IL12RB2: variants seen among roughly 807,000 people sequenced by gnomAD.
IL12RB2 encodes the protein interleukin-12 receptor subunit beta-2.
In IL12RB2, 82 loss-of-function variants were observed where a neutral mutation model predicts 89.4. The ratio of observed to expected loss-of-function variants is 0.92; its 90% CI spans 0.77 to 1.10. The LOEUF (loss-of-function observed/expected upper bound fraction) is 1.10, where lower values mean the gene tolerates loss of function less well. IL12RB2 is among the 50% of genes least tolerant of loss of function. The pLI is 0.00. For synonymous variants in IL12RB2, 368 were observed against 370.1 expected (o/e 0.99, Z 0.07); for missense variants, 963 against 1,031.9 (o/e 0.93, Z 0.92).
rs767236153 is a variant in IL12RB2, at chr1:67,367,955, A to C, written c.1389A>C (p.Pro463=). 1.2e-6 allele frequency: 2 copies of C among 1,609,280 alleles called. No homozygotes were observed. The highest frequency in any genetic ancestry group is 3.3e-5 in the Admixed American group (2 of 60,012). The change falls in exon 11 of 17, where the codon CCA becomes CCC. Residue 463 remains proline, a synonymous_variant. Coordinates refer to ENST00000674203, the MANE Select transcript of IL12RB2 (RefSeq NM_001374259.2). ...EYVVEWRELH[P]GGDTQVPLNW... ...TGGTGGAATGGAGAGAGCTCCATCC[A>C]GGGGGTGACACACAGGTCCCTCTAA... is the stretch of plus-strand genomic sequence containing the variant.
chr1:67,324,191 G>A (rs1235880382), intron 4 of IL12RB2, among the ~76,000 whole-genome samples: 2 of 152,070 alleles, frequency 1.3e-5, no homozygotes, highest in South Asian at 4.2e-4. Flanking sequence ...ATATGTACAT[G>A]GGTACGTATA....
At chr1:67,372,599 G>A (rs1663490498) in intron 12 of IL12RB2, 26 bp from the exon 13 acceptor site, 1 of 1,611,968 alleles carries the variant, frequency 6.2e-7, no homozygotes, top group African/African-American at 1.3e-5. Context: ...GAGGGTGACA[G>A]AAGCCTCCTG....
intron 4 of IL12RB2, among the ~76,000 whole-genome samples, chr1:67,322,906 G>C (rs1437087520): frequency 6.6e-6 from 1 of 152,206 alleles, no homozygotes; most frequent in Non-Finnish European, 1.5e-5. Context: ...GGTCCAACCA[G>C]GCAATCCTAT....
At chr1:67,318,223 T>C (rs147276258) in intron 2 of IL12RB2, among the ~76,000 whole-genome samples, 18 of 152,250 alleles carry the variant, frequency 1.2e-4, no homozygotes, top group African/African-American at 4.3e-4. Context: ...ATGTAAGCGA[T>C]GATGGCAAGA....
chr1:67,309,006 C>T (rs17129740), intron 1 of IL12RB2, among the ~76,000 whole-genome samples: 5,426 of 150,930 alleles, frequency 0.036, 137 homozygotes, highest in Admixed American at 0.066. Context: ...GGCAACAGAG[C>T]GAGACTCTGT....
At position 67,386,571 on chromosome 1, in the gene IL12RB2, C is replaced by T. The variant is rs754768983; in HGVS notation, c.1856-8C>T. ...CTCACTCAGTCACAGGATTTCCTAA[C>T]TTTTCAGGTAAAGCCAATTGGATGG... On this transcript the variant is annotated splice_polypyrimidine_tract_variant and splice_region_variant and intron_variant, in intron 14 of 16. Transcript: ENST00000674203. The T allele has an allele frequency of 3.7e-6, 6 of 1,603,542 alleles. No homozygotes were observed. Among genetic ancestry groups the T allele is most frequent in the African/African-American group, 1.3e-5 (1 of 74,686 alleles).
At chr1:67,354,061 T>C (rs530998688) in intron 10 of IL12RB2, among the ~76,000 whole-genome samples, 1 of 152,192 alleles carries the variant, frequency 6.6e-6, no homozygotes, top group African/African-American at 2.4e-5. Context: ...CCTCAACTTA[T>C]ATTTAGCCAA....
intron 14 of IL12RB2, among the ~76,000 whole-genome samples, chr1:67,380,890 C>A (rs2101072254): frequency 6.6e-6 from 1 of 152,192 alleles, no homozygotes; most frequent in East Asian, 1.9e-4. Context: ...GATTAGGGGC[C>A]CACTCTACTC....
At chr1:67,330,265 G>C (rs1329383461) in intron 7 of IL12RB2, among the ~76,000 whole-genome samples, 1 of 129,910 alleles carries the variant, frequency 7.7e-6, no homozygotes. Flanking sequence ...CTAATTAAAG[G>C]GTTTTTTTAA....
At chr1:67,340,615 A>C (rs1367509035) in intron 9 of IL12RB2, among the ~76,000 whole-genome samples, 1 of 152,230 alleles carries the variant, frequency 6.6e-6, no homozygotes, top group African/African-American at 2.4e-5. Context: ...CACCAGTGTA[A>C]AATTCAGCAG....
At chr1:67,319,889 G>T (rs1228703981) in intron 2 of IL12RB2, among the ~76,000 whole-genome samples, 2 of 152,136 alleles carry the variant, frequency 1.3e-5, no homozygotes. Context: ...ATCCCAGAGA[G>T]CTCCGTTGTC....
intron 2 of IL12RB2, among the ~76,000 whole-genome samples, chr1:67,319,898 T>G (rs1356730961): frequency 1.3e-5 from 2 of 152,132 alleles, no homozygotes; most frequent in East Asian, 3.9e-4. Context: ...AGCTCCGTTG[T>G]CCCTTCCACC....
At chr1:67,393,598 C>A (rs1221191926) in intron 16 of IL12RB2, among the ~76,000 whole-genome samples, 1 of 152,186 alleles carries the variant, frequency 6.6e-6, no homozygotes, top group African/African-American at 2.4e-5. Flanking sequence ...GAGCAGTCTC[C>A]CCGAAGTGAA....
Position 67,396,413 on chromosome 1 carries a change from T to G in IL12RB2, c.*324T>G. 2.2e-6 allele frequency: 1 copy of G among 452,354 alleles called. No individual in the cohort carries two copies. The allele number at this position is 452,354 out of a possible 1,614,324, so 28.0% of individuals were successfully genotyped here. On this transcript the variant is annotated 3_prime_UTR_variant, in exon 17 of 17. Transcript: ENST00000674203. ...GGAGGAGAGTAGAAACCACAGCTCTTAGTAGTAATGGCATACAGTCTAGAG... is the reference window on the plus strand; with the variant it reads ...GGAGGAGAGTAGAAACCACAGCTCTGAGTAGTAATGGCATACAGTCTAGAG...
At chr1:67,370,318 G>A (rs1458190922) in intron 11 of IL12RB2, among the ~76,000 whole-genome samples, 1 of 152,080 alleles carries the variant, frequency 6.6e-6, no homozygotes, top group Non-Finnish European at 1.5e-5. Flanking sequence ...ATAGGTTGGT[G>A]GAGGCTAGGC....
At position 67,343,887 on chromosome 1, in the gene IL12RB2, TTC is replaced by T. The variant is rs528853138; in HGVS notation, c.1038+5185_1038+5186del. Reference sequence around the variant, plus strand: ...AAGAGAAATATTCATGTTAAGCTCATTCATTTGCTCAAACAAACATATGAAAG... The same window carrying T: ...AAGAGAAATATTCATGTTAAGCTCATATTTGCTCAAACAAACATATGAAAG... On this transcript the variant is annotated intron_variant, in intron 9 of 16. Transcript: ENST00000674203. 5.2e-4 allele frequency among the ~76,000 whole-genome samples: 79 copies of T among 152,362 alleles called. No individual in the cohort carries two copies. The East Asian group carries it at 0.015, about 29-fold the overall frequency.
intron 2 of IL12RB2, among the ~76,000 whole-genome samples, chr1:67,317,440 A>G (rs893731320): frequency 6.6e-6 from 1 of 152,102 alleles, no homozygotes; most frequent in Non-Finnish European, 1.5e-5. Context: ...TCCTTCCACC[A>G]CTTCAGAGCC....
At chr1:67,353,965 C>A (rs1206097454) in intron 10 of IL12RB2, among the ~76,000 whole-genome samples, 2 of 152,174 alleles carry the variant, frequency 1.3e-5, no homozygotes, top group Non-Finnish European at 2.9e-5. Context: ...GAGTTCATTT[C>A]TACTTTATTC....
At chr1:67,340,335 A>G (rs6670898) in intron 9 of IL12RB2, among the ~76,000 whole-genome samples, 71,537 of 152,152 alleles carry the variant, frequency 0.47, 19,546 homozygotes, top group South Asian at 0.6. Context: ...ATTTGTGAAT[A>G]TTATAGAAGA....
Sources: gnomAD v4.1 joint callset for allele counts (sites outside exome capture counted in the v4.1 genomes callset) on GRCh38, gnomAD v4.1.1 for gene constraint, MANE v1.5 for transcripts, NCBI Gene and HGNC (gene_info 2026-07-23, HGNC 2026-07-21) for gene names.